Variants in ARL2 observed in about 807,000 individuals in gnomAD.
ARL2 encodes ARF like GTPase 2.
ARL2 carries 11 observed loss-of-function variants against 22.0 expected under a neutral mutation model. The ratio of observed to expected loss-of-function variants is 0.50; its 90% CI spans 0.31 to 0.83. ARL2 has a LOEUF of 0.83. Ranked by LOEUF, ARL2 falls within the 40% of genes least tolerant of loss-of-function variation. The probability of loss-of-function intolerance (pLI) is 0.04; values close to 1 mark genes in which losing one functional copy is unlikely to be tolerated. For missense variants in ARL2, 216 were observed against 243.2 expected, an observed-to-expected ratio of 0.89 and a Z score of 0.74; for synonymous variants, 111 against 100.8, an observed-to-expected ratio of 1.10 and a Z score of -0.61.
chr11:65,020,189 C>G (rs1946310614), intron 3 of ARL2, among the ~76,000 whole-genome samples: 1 of 152,158 alleles, frequency 6.6e-6, no homozygotes, highest in South Asian at 2.1e-4. Context: ...AGCGGTGTCC[C>G]CTGGGTGGTG....
intron 1 of ARL2, 48 bp downstream of exon 1, chr11:65,014,320 GCA>G: frequency 6.7e-7 from 1 of 1,484,288 alleles, no homozygotes; most frequent in South Asian, 1.3e-5. Flanking sequence ...GTCCAGCCGG[GCA>G]GGCGGTGCCG....
In ARL2 at chr11:65,021,762, C is replaced by T; in HGVS notation, c.462C>T (p.Ile154=). 1 of 1,612,182 alleles carries T rather than the reference C, an allele frequency of 6.2e-7. No homozygotes were observed. Among genetic ancestry groups the T allele is most frequent in the Admixed American group, 1.7e-5 (1 of 59,994 alleles). ...CCATCCGCAGCCACCACTGGTGCAT[C>T]CAGGGCTGCAGCGCCGTCACCGGGG... ...LDSIRSHHWC[I]QGCSAVTGEN... is the part of the protein sequence containing the mutation. The change falls in exon 5 of 5, where the codon ATC becomes ATT. Residue 154 remains isoleucine (I), a synonymous_variant. Transcript: ENST00000246747.
chr11:65,019,464 C>T (rs1268859240), intron 3 of ARL2: 1 of 153,546 alleles, frequency 6.5e-6, no homozygotes, highest in Non-Finnish European at 1.4e-5. Flanking sequence ...ATGGCGTGAA[C>T]CTGGGAGGCG....
In ARL2 at chr11:65,016,245, G is replaced by A. The variant is rs573002912; in HGVS notation, c.65+1973G>A. Among the ~76,000 whole-genome samples, 59 of 126,674 alleles carry A rather than the reference G, an allele frequency of 4.7e-4. 1 individual carries two copies. Among genetic ancestry groups the A allele is most frequent in the Non-Finnish European group, 6.6e-4 (40 of 61,032 alleles). 83.1% of individuals were successfully genotyped at this position (126,674 alleles called of 152,430 possible). A position where few individuals can be genotyped will look rare whatever the true frequency, so the allele number is the denominator to read the frequency against. ...TGACAATTGAGTACATGAGGGAGGC[G>A]AGGGTTGAACCATATAGCAATTCGG... On this transcript the variant is annotated intron_variant, in intron 1 of 4. Transcript: ENST00000246747.
intron 4 of ARL2, 96 bp downstream of exon 4, chr11:65,020,595 G>A (rs1946316359): frequency 7.8e-7 from 1 of 1,288,470 alleles, no homozygotes; most frequent in Non-Finnish European, 1.1e-6. Flanking sequence ...AAGGCTGGGT[G>A]CAGTGGCTCA....
Position 65,020,431 on chromosome 11 carries a change from G to T in ARL2, c.352G>T (p.Ala118Ser). Residue 118 changes from alanine (A) to serine (S), a missense_variant, in exon 4 of 5, where the codon GCA (alanine) becomes TCA (serine). Physicochemically the swap from Ala to Ser is moderately conservative, Grantham distance 99. Coordinates refer to ENST00000246747, the MANE Select transcript of ARL2 (RefSeq NM_001667.4). ...TTTTCTCCCCCAGCGCCTGGCCGGA[G>T]CAACCCTCCTCATCTTTGCTAATAA... is the stretch of plus-strand genomic sequence containing the variant. ...SLLVEERLAG[A>S]TLLIFANKQD... 1.2e-6 allele frequency: 2 copies of T among 1,613,048 alleles called. No individual in the cohort carries two copies. The highest frequency in any genetic ancestry group is 1.7e-6 in the Non-Finnish European group (2 of 1,179,600).
At chr11:65,014,380 GC>G in intron 1 of ARL2, 108 bp downstream of exon 1, 3 of 908,678 alleles carry the variant, frequency 3.3e-6, no homozygotes, top group Admixed American at 4.0e-5. Flanking sequence ...CGTCCCAACT[GC>G]CCCTGGCGTC....
chr11:65,018,364 T>C lies in ARL2; in HGVS notation c.66T>C (p.Leu22=), dbSNP rs1205174321. 5 of 1,598,636 alleles carry C rather than the reference T, an allele frequency of 3.1e-6. No individual in the cohort carries two copies. Among genetic ancestry groups the C allele is most frequent in the Non-Finnish European group, 3.4e-6 (4 of 1,173,386 alleles). The change falls in exon 2 of 5, where the codon CTT becomes CTC. Residue 22 remains leucine, a splice_region_variant and synonymous_variant. Transcript: ENST00000246747. This position sits in a 1 kb window ranked among gnomAD's most constrained non-coding sequence, Gnocchi z 4.2. ...QKERELRLLM[L]GLDNAGKTTI... is the part of the protein sequence containing the mutation. ...TTCTCCTTAACCTGCTGCGCCCCAG[T>C]GGCCTGGACAATGCTGGAAAGACAA...
intron 4 of ARL2, among the ~76,000 whole-genome samples, chr11:65,021,292 G>A (rs1045743437): frequency 2.6e-5 from 4 of 152,198 alleles, no homozygotes; most frequent in Non-Finnish European, 4.4e-5. Context: ...AAAGAGCAGG[G>A]TTAAAATCTT....
intron 1 of ARL2, among the ~76,000 whole-genome samples, chr11:65,014,791 G>T (rs1946230154): frequency 6.6e-6 from 1 of 152,240 alleles, no homozygotes; most frequent in African/African-American, 2.4e-5. Flanking sequence ...GGATGTGTGT[G>T]TGTGGGCCCG....
chr11:65,016,221 G>A (rs1946251891), intron 1 of ARL2, among the ~76,000 whole-genome samples: 1 of 106,324 alleles, frequency 9.4e-6, no homozygotes, highest in African/African-American at 3.5e-5. Flanking sequence ...AAAAAAAAAT[G>A]ACAATTGAGT....
At chr11:65,014,853 TG>T (rs1280608271) in intron 1 of ARL2, among the ~76,000 whole-genome samples, 5 of 152,252 alleles carry the variant, frequency 3.3e-5, no homozygotes, top group Admixed American at 2.0e-4. Context: ...CGCCCGCACC[TG>T]TTCCCCCAGC....
In ARL2 at chr11:65,018,319, A is replaced by G. The variant is rs1251043654; in HGVS notation, c.66-45A>G. The G allele has an allele frequency of 6.6e-7, 1 of 1,510,384 alleles. No homozygotes were observed. Among genetic ancestry groups the G allele is most frequent in the Non-Finnish European group, 9.0e-7 (1 of 1,108,020 alleles). The allele number at this position is 1,510,384 out of a possible 1,614,324, so 93.6% of individuals were successfully genotyped here. On this transcript the variant is annotated intron_variant, in intron 1 of 4. Transcript: ENST00000246747. The surrounding 1 kb of genome is among the most constrained non-coding windows in gnomAD (Gnocchi z 4.2). ...TAAGGGGCTCTGCAACAATGTCACC[A>G]CCTGGCAGAGAACAGGGACTTCTCC...
chr11:65,019,235 G>C, intron 3 of ARL2: 1 of 191,542 alleles, frequency 5.2e-6, no homozygotes. Context: ...GCAAGACCCT[G>C]TCTCAAAAAA....
chr11:65,020,633 C>T, intron 4 of ARL2, 134 bp downstream of exon 4: 2 of 872,674 alleles, frequency 2.3e-6, no homozygotes, highest in Non-Finnish European at 3.4e-6. Flanking sequence ...CTTTGGGAGG[C>T]CAAGGCGAGT....
At chr11:65,020,581 CA>C in intron 4 of ARL2, 82 bp downstream of exon 4, 1 of 1,396,550 alleles carries the variant, frequency 7.2e-7, no homozygotes, top group Non-Finnish European at 9.7e-7. Flanking sequence ...TAAAAATAAC[CA>C]AAAAGGCTGG....
chr11:65,020,869 CAA>C (rs58186585), intron 4 of ARL2, among the ~76,000 whole-genome samples: 1,327 of 68,054 alleles, frequency 0.019, 16 homozygotes, highest in African/African-American at 0.061. Context: ...GACTTCGTCT[CAA>C]AAAAAAAAAA....
At chr11:65,019,884 C>T (rs1409904190) in intron 3 of ARL2, among the ~76,000 whole-genome samples, 1 of 152,148 alleles carries the variant, frequency 6.6e-6, no homozygotes, top group Non-Finnish European at 1.5e-5. Flanking sequence ...CAGATGAGAT[C>T]AGGGCCGTCA....
In ARL2 at chr11:65,021,595, A is replaced by G. The variant is rs114453624; in HGVS notation, c.421-126A>G. ...CCCTGGGACCGGCGGGGCTTCCTGGATGGGATGACATGGAGCAGGGCCTTG... is the reference window on the plus strand; with the variant it reads ...CCCTGGGACCGGCGGGGCTTCCTGGGTGGGATGACATGGAGCAGGGCCTTG... On this transcript the variant is annotated intron_variant, in intron 4 of 4. Transcript: ENST00000246747. 5,530 of 1,263,156 alleles carry G rather than the reference A, an allele frequency of 4.4e-3. 210 individuals are homozygous for G. The African/African-American group carries it at 0.074, about 17-fold the overall frequency. 78.2% of individuals were successfully genotyped at this position (1,263,156 alleles called of 1,614,324 possible). A position where few individuals can be genotyped will look rare whatever the true frequency, so the allele number is the denominator to read the frequency against.
Sources: allele counts gnomAD v4.1 joint callset (sites outside exome capture counted in the v4.1 genomes callset), GRCh38; gene constraint gnomAD v4.1.1; non-coding constraint Gnocchi (gnomAD v3.1); transcripts MANE v1.5; gene names NCBI Gene and HGNC (gene_info 2026-07-23, HGNC 2026-07-21).